Variants in GRIN3A observed in about 807,000 individuals in gnomAD.
The protein encoded by GRIN3A is glutamate ionotropic receptor NMDA type subunit 3A.
Under a neutral mutation model 92.4 loss-of-function variants are expected in GRIN3A, and 47 were observed. The observed-to-expected ratio is 0.51, with a 90% CI of 0.40 to 0.65. The LOEUF (loss-of-function observed/expected upper bound fraction) is 0.65. GRIN3A is among the 30% of genes least tolerant of loss of function. GRIN3A has a pLI of 0.00. For synonymous variants in GRIN3A, 527 were observed against 540.6 expected, an observed-to-expected ratio of 0.97 and a Z score of 0.35; for missense variants, 1,324 against 1,393.1, an observed-to-expected ratio of 0.95 and a Z score of 0.79.
Position 101,663,270 on chromosome 9 carries a change from T to C in GRIN3A, c.2352+6790A>G, listed in dbSNP as rs75951453. Among the ~76,000 whole-genome samples the C allele has an allele frequency of 5.9e-5, 9 of 152,086 alleles. No homozygotes were observed. The East Asian group carries it at 1.7e-3, about 29-fold the overall frequency. ...GCTCCTAGATTATGCTATATTTTACTTCTCAGTAATTTAGCATGGCTTAAA... is the reference window on the plus strand; with the variant it reads ...GCTCCTAGATTATGCTATATTTTACCTCTCAGTAATTTAGCATGGCTTAAA... On this transcript the variant is annotated intron_variant, in intron 3 of 8. Transcript: ENST00000361820.
At chr9:101,706,872 T>A (rs1235089831) in intron 1 of GRIN3A, among the ~76,000 whole-genome samples, 4 of 152,220 alleles carry the variant, frequency 2.6e-5, no homozygotes, top group African/African-American at 9.7e-5. Flanking sequence ...GAATGTGTTG[T>A]CAAATGACCA....
At chr9:101,640,719 A>C (rs1300461889) in intron 3 of GRIN3A, among the ~76,000 whole-genome samples, 1 of 152,064 alleles carries the variant, frequency 6.6e-6, no homozygotes, top group Non-Finnish European at 1.5e-5. Flanking sequence ...TGTTCTTGTG[A>C]TAGTGAATGA....
At chr9:101,703,475 T>C (rs1829777866) in intron 1 of GRIN3A, among the ~76,000 whole-genome samples, 1 of 152,216 alleles carries the variant, frequency 6.6e-6, no homozygotes. Flanking sequence ...ATTTTCTTTT[T>C]ATGACACTAT....
intron 1 of GRIN3A, among the ~76,000 whole-genome samples, chr9:101,729,054 C>T (rs944164346): frequency 5.3e-5 from 8 of 152,262 alleles, no homozygotes; most frequent in Admixed American, 2.6e-4. Flanking sequence ...CCCCAAATAC[C>T]AACTGGGTTG....
At chr9:101,642,459 A>C (rs566144175) in intron 3 of GRIN3A, among the ~76,000 whole-genome samples, 3 of 152,316 alleles carry the variant, frequency 2.0e-5, no homozygotes, top group East Asian at 3.9e-4. Context: ...CAGGCAACAA[A>C]AGTAAAATTA....
At chr9:101,726,148 A>G (rs1830079921) in intron 1 of GRIN3A, among the ~76,000 whole-genome samples, 1 of 152,160 alleles carries the variant, frequency 6.6e-6, no homozygotes, top group African/African-American at 2.4e-5. Context: ...AGGACATATA[A>G]TTTGGGGTGA....
At chr9:101,584,367 T>C (rs1222995913) in intron 6 of GRIN3A, among the ~76,000 whole-genome samples, 1 of 152,246 alleles carries the variant, frequency 6.6e-6, no homozygotes, top group Non-Finnish European at 1.5e-5. Flanking sequence ...CATTAGTATA[T>C]ATTTACTACA....
chr9:101,700,098 A>G (rs1829735332), intron 1 of GRIN3A, among the ~76,000 whole-genome samples: 1 of 152,168 alleles, frequency 6.6e-6, no homozygotes, highest in African/African-American at 2.4e-5. Flanking sequence ...TATAGTCATT[A>G]TTAGTCTACT....
chr9:101,644,992 A>C (rs1035165209), intron 3 of GRIN3A, among the ~76,000 whole-genome samples: 1 of 151,912 alleles, frequency 6.6e-6, no homozygotes, highest in Non-Finnish European at 1.5e-5. Flanking sequence ...AATGTTTATC[A>C]TTTTTTGTGT....
At chr9:101,619,008 G>A (rs908446234) in intron 5 of GRIN3A, among the ~76,000 whole-genome samples, 1 of 152,150 alleles carries the variant, frequency 6.6e-6, no homozygotes, top group Non-Finnish European at 1.5e-5. Context: ...CAGCTTAATG[G>A]CCCAAGAGAA....
chr9:101,677,868 C>G (rs1214671935), intron 2 of GRIN3A, among the ~76,000 whole-genome samples: 1 of 152,156 alleles, frequency 6.6e-6, no homozygotes, highest in Non-Finnish European at 1.5e-5. Context: ...CTCCTTGACT[C>G]TCCTCTTACT....
rs773375404 is a variant in GRIN3A, at chr9:101,613,443, A to G, written c.2699T>C (p.Met900Thr). Reference sequence around the variant, plus strand: ...GTACCACTTGTCATGGAGCATATCCATAAACCCATGTGACTTGTATTGACT... The same window carrying G: ...GTACCACTTGTCATGGAGCATATCCGTAAACCCATGTGACTTGTATTGACT... ...LISQYKSHGF[M>T]DMLHDKWYRV... is the part of the protein sequence containing the mutation. The change falls in exon 6 of 9, where the codon ATG (methionine) becomes ACG (threonine). Residue 900 changes from methionine (M) to threonine (T), a missense_variant. Transcript: ENST00000361820. The G allele has an allele frequency of 5.6e-6, 9 of 1,614,048 alleles. No homozygotes were observed. The African/African-American group carries it at 1.1e-4, about 19-fold the overall frequency.
intron 2 of GRIN3A, among the ~76,000 whole-genome samples, chr9:101,672,612 G>T (rs4442195): frequency 0.19 from 29,298 of 152,070 alleles, 3,182 homozygotes; most frequent in Non-Finnish European, 0.25. Context: ...ACAAATAGAA[G>T]AAATAAGACA....
In GRIN3A at chr9:101,658,458, TAC is replaced by T. The variant is rs1245633463; in HGVS notation, c.2352+11600_2352+11601del. Among the ~76,000 whole-genome samples, 5 of 151,946 alleles carry T rather than the reference TAC, an allele frequency of 3.3e-5. No homozygotes were observed. The East Asian group carries it at 9.7e-4, about 30-fold the overall frequency. ...AGATAAATATATACCCATATTCATT[TAC>T]ATTCTTATTTGCCAATTGATTTACC... On this transcript the variant is annotated intron_variant, in intron 3 of 8. Transcript: ENST00000361820.
chr9:101,716,573 G>T (rs1829950758), intron 1 of GRIN3A, among the ~76,000 whole-genome samples: 1 of 151,988 alleles, frequency 6.6e-6, no homozygotes, highest in African/African-American at 2.4e-5. Flanking sequence ...GCTTTCACAT[G>T]AGGGTATCCA....
intron 1 of GRIN3A, among the ~76,000 whole-genome samples, chr9:101,714,370 G>C (rs1045852396): frequency 1.3e-5 from 2 of 152,076 alleles, no homozygotes; most frequent in African/African-American, 2.4e-5. Flanking sequence ...AACATAAAAA[G>C]CTTGGCAAAT....
At chr9:101,620,581 A>G (rs942809779) in intron 5 of GRIN3A, among the ~76,000 whole-genome samples, 3 of 149,244 alleles carry the variant, frequency 2.0e-5, no homozygotes, top group Non-Finnish European at 2.9e-5. Flanking sequence ...AAGTATAAGT[A>G]CAAGCTATTA....
At chr9:101,594,975 C>A in intron 6 of GRIN3A, 2 of 1,526,060 alleles carry the variant, frequency 1.3e-6, no homozygotes, top group Non-Finnish European at 1.8e-6. Context: ...GGAGCAGGGG[C>A]GGTGAGCTCG....
intron 3 of GRIN3A, among the ~76,000 whole-genome samples, chr9:101,657,772 T>C (rs1350244730): frequency 7.6e-6 from 1 of 131,122 alleles, no homozygotes; most frequent in Non-Finnish European, 1.8e-5. Context: ...AACTTCTTCT[T>C]TTTAGTTTAT....
Sources: gnomAD v4.1 joint callset for allele counts (sites outside exome capture counted in the v4.1 genomes callset) on GRCh38, gnomAD v4.1.1 for gene constraint, MANE v1.5 for transcripts, NCBI Gene and HGNC (gene_info 2026-07-23, HGNC 2026-07-21) for gene names.